Variants in LIN9 observed in about 807,000 individuals in gnomAD.
The protein encoded by LIN9 is lin-9 DREAM MuvB core complex component.
In LIN9, 18 loss-of-function variants were observed where a neutral mutation model predicts 78.0. That is an observed-to-expected ratio of 0.23 (90% CI 0.16 to 0.34). The LOEUF is 0.34. Ranked by LOEUF, LIN9 falls within the 10% of genes least tolerant of loss-of-function variation. The pLI, the probability that LIN9 is intolerant of heterozygous loss-of-function variation, is 1.00. For synonymous variants in LIN9, 192 were observed against 215.2 expected, an observed-to-expected ratio of 0.89 and a Z score of 0.94; for missense variants, 451 against 644.1, an observed-to-expected ratio of 0.70 and a Z score of 3.25.
intron 7 of LIN9, among the ~76,000 whole-genome samples, chr1:226,276,623 A>C (rs935715242): frequency 2.0e-5 from 3 of 152,220 alleles, no homozygotes; most frequent in Non-Finnish European, 4.4e-5. Flanking sequence ...AAAATGATAT[A>C]AATATGTAAC....
chr1:226,303,325 G>A (rs1473720784), intron 1 of LIN9, among the ~76,000 whole-genome samples: 1 of 152,146 alleles, frequency 6.6e-6, no homozygotes, highest in Non-Finnish European at 1.5e-5. Flanking sequence ...ACATTCTAGT[G>A]ATGGGAGGCA....
At chr1:226,305,866 G>A (rs1444214998) in intron 1 of LIN9, among the ~76,000 whole-genome samples, 1 of 152,182 alleles carries the variant, frequency 6.6e-6, no homozygotes, top group African/African-American at 2.4e-5. Context: ...CTCGCTGTGT[G>A]TTTGTGGGAA....
At chr1:226,283,190 G>T (rs573666808) in intron 6 of LIN9, among the ~76,000 whole-genome samples, 2 of 151,802 alleles carry the variant, frequency 1.3e-5, no homozygotes, top group African/African-American at 2.4e-5. Context: ...GCAGTGGCGT[G>T]AGCATGGCTC....
chr1:226,254,666 C>A (rs1659069159), intron 10 of LIN9, among the ~76,000 whole-genome samples: 1 of 152,068 alleles, frequency 6.6e-6, no homozygotes, highest in Non-Finnish European at 1.5e-5. Context: ...AATCCCAGCA[C>A]TTTGGGAGGA....
chr1:226,258,679 A>G (rs1279259399), intron 10 of LIN9, among the ~76,000 whole-genome samples: 1 of 151,504 alleles, frequency 6.6e-6, no homozygotes, highest in Non-Finnish European at 1.5e-5. Context: ...TCACAAGGTC[A>G]GGAGATCGAG....
At chr1:226,281,350 C>T (rs1661038181) in intron 6 of LIN9, among the ~76,000 whole-genome samples, 1 of 151,814 alleles carries the variant, frequency 6.6e-6, no homozygotes, top group African/African-American at 2.4e-5. Flanking sequence ...CTAAGGGGTA[C>T]AAAAATATAG....
intron 11 of LIN9, among the ~76,000 whole-genome samples, chr1:226,250,149 G>A (rs868284720): frequency 2.0e-5 from 3 of 149,370 alleles, no homozygotes; most frequent in Admixed American, 1.3e-4. Context: ...CAGCCTGGGC[G>A]ACGAGCAAAA....
At chr1:226,285,891 G>T (rs965121814) in intron 6 of LIN9, among the ~76,000 whole-genome samples, 1 of 152,052 alleles carries the variant, frequency 6.6e-6, no homozygotes, top group African/African-American at 2.4e-5. Flanking sequence ...CATAGATAAT[G>T]TAAAACTAAA....
At chr1:226,251,656 T>A (rs2377025) in intron 10 of LIN9, among the ~76,000 whole-genome samples, 27,051 of 152,162 alleles carry the variant, frequency 0.18, 3,185 homozygotes, top group Admixed American at 0.28. Flanking sequence ...GTCACCACAC[T>A]CAGCGTCATA....
chr1:226,275,424 G>T (rs1375853241), intron 7 of LIN9, among the ~76,000 whole-genome samples: 2 of 151,748 alleles, frequency 1.3e-5, no homozygotes, highest in African/African-American at 2.4e-5. Flanking sequence ...GGCTGGGTGC[G>T]GTGGCTCACA....
At chr1:226,288,601 C>CA (rs1253365333) in intron 4 of LIN9, among the ~76,000 whole-genome samples, 2 of 151,664 alleles carry the variant, frequency 1.3e-5, no homozygotes, top group Non-Finnish European at 2.9e-5. Context: ...AACCATGATT[C>CA]AAAAAAATCA....
intron 2 of LIN9, among the ~76,000 whole-genome samples, chr1:226,299,919 C>T (rs1000779354): frequency 6.6e-6 from 1 of 150,550 alleles, no homozygotes; most frequent in African/African-American, 2.4e-5. Context: ...ACTTAGAAAG[C>T]AAGATTCTTT....
At position 226,231,419 on chromosome 1, in the gene LIN9, A is replaced by G. The variant is rs1657321960; in HGVS notation, c.*1082T>C. On this transcript the variant is annotated 3_prime_UTR_variant, in exon 15 of 15. Coordinates refer to ENST00000681046, the MANE Select transcript of LIN9 (RefSeq NM_001366245.2). ...ATCTAAAGGAATTAAAACCACCTCTACAGCTATATCTTAAACTCCAAATTT... is the reference window on the plus strand; with the variant it reads ...ATCTAAAGGAATTAAAACCACCTCTGCAGCTATATCTTAAACTCCAAATTT... 6.6e-6 allele frequency: 1 copy of G among 152,542 alleles called. No homozygotes were observed. Among genetic ancestry groups the G allele is most frequent in the Admixed American group, 6.5e-5 (1 of 15,278 alleles). The allele number at this position is 152,542 out of a possible 1,614,324, so 9.4% of individuals were successfully genotyped here. A position where few individuals can be genotyped will look rare whatever the true frequency, so the allele number is the denominator to read the frequency against.
At chr1:226,239,855 T>G (rs1438527671) in intron 11 of LIN9, among the ~76,000 whole-genome samples, 1 of 152,202 alleles carries the variant, frequency 6.6e-6, no homozygotes, top group East Asian at 1.9e-4. Flanking sequence ...TACTCTCCAT[T>G]TCATTCCTGC....
In LIN9 at chr1:226,301,325, G is replaced by A. The variant is rs192702704; in HGVS notation, c.32-120C>T. ...TAGTAATGTTGAGTTTGAAGAGATG[G>A]TGGAATGTGCAATTCGAAATATCTG... On this transcript the variant is annotated intron_variant, in intron 1 of 14. Coordinates refer to ENST00000681046, the MANE Select transcript of LIN9 (RefSeq NM_001366245.2). 4.0e-4 allele frequency: 266 copies of A among 660,452 alleles called. 3 individuals carry two copies. In the East Asian group the frequency reaches 7.0e-3, roughly 17 times the overall value. 40.9% of individuals were successfully genotyped at this position (660,452 alleles called of 1,614,324 possible). A position where few individuals can be genotyped will look rare whatever the true frequency, so the allele number is the denominator to read the frequency against.
chr1:226,271,634 T>A (rs1660284148), intron 7 of LIN9, among the ~76,000 whole-genome samples: 1 of 152,214 alleles, frequency 6.6e-6, no homozygotes, highest in South Asian at 2.1e-4. Flanking sequence ...TATATGTGTA[T>A]TAACATTTTT....
Position 226,297,732 on chromosome 1 carries a change from G to C in LIN9, c.146C>G (p.Ser49Cys). 6.3e-7 allele frequency: 1 copy of C among 1,579,864 alleles called. No homozygotes were observed. The highest frequency in any genetic ancestry group is 8.6e-7 in the Non-Finnish European group (1 of 1,165,902). Residue 49 changes from serine to cysteine, a missense_variant, in exon 3 of 15, where the codon TCT (serine) becomes TGT (cysteine). Physicochemically the swap from Ser to Cys is moderately radical, Grantham distance 112 (BLOSUM62 -1). Coordinates refer to ENST00000681046, the MANE Select transcript of LIN9 (RefSeq NM_001366245.2). ...TPVWKGRNTS[S>C]AVEMPFRNSK... ...CTCACTCCTTACCATTTCCACAGCA[G>C]AGCTTGTATTCCTGCCTTTCCAAAC...
intron 4 of LIN9, among the ~76,000 whole-genome samples, chr1:226,293,936 T>A (rs1446012992): frequency 1.3e-5 from 2 of 152,218 alleles, no homozygotes; most frequent in East Asian, 3.8e-4. Flanking sequence ...CATATTTTCC[T>A]GTTTAAAATT....
At chr1:226,271,570 T>C (rs1006317687) in intron 7 of LIN9, among the ~76,000 whole-genome samples, 1 of 152,224 alleles carries the variant, frequency 6.6e-6, no homozygotes, top group Admixed American at 6.5e-5. Flanking sequence ...TTGAGTGTAT[T>C]GTTCTAAACA....
Sources: gnomAD v4.1 joint callset for allele counts (sites outside exome capture counted in the v4.1 genomes callset) on GRCh38, gnomAD v4.1.1 for gene constraint, MANE v1.5 for transcripts, NCBI Gene and HGNC (gene_info 2026-07-23, HGNC 2026-07-21) for gene names.